CDK17: variants seen among roughly 807,000 people sequenced by gnomAD.
The protein encoded by CDK17 is cyclin-dependent kinase 17.
Under a neutral mutation model 77.6 loss-of-function variants are expected in CDK17, and 24 were observed. The observed-to-expected ratio is 0.31, with a 90% CI of 0.22 to 0.44. The LOEUF is 0.44. Ranked by LOEUF, CDK17 falls within the 20% of genes least tolerant of loss-of-function variation. The probability of loss-of-function intolerance (pLI) is 1.00; values close to 1 mark genes in which losing one functional copy is unlikely to be tolerated. For missense variants in CDK17, 429 were observed against 622.5 expected (o/e 0.69, Z 3.31); for synonymous variants, 203 against 210.4 (o/e 0.96, Z 0.30).
chr12:96,367,734 G>A (rs941397880), intron 1 of CDK17, among the ~76,000 whole-genome samples: 1 of 151,550 alleles, frequency 6.6e-6, no homozygotes, highest in Non-Finnish European at 1.5e-5. Flanking sequence ...TTATATTAAT[G>A]AGCTGGGCAC....
intron 3 of CDK17, among the ~76,000 whole-genome samples, chr12:96,317,894 T>C (rs202212418): frequency 0.14 from 18,755 of 135,186 alleles, 1,343 homozygotes; most frequent in South Asian, 0.22. Flanking sequence ...CATCAACTAA[T>C]GAGCAAAATC....
At chr12:96,280,422 C>T (rs989628584) in intron 16 of CDK17, 143 bp from the exon 17 acceptor site, 1 of 1,440,272 alleles carries the variant, frequency 6.9e-7, no homozygotes, top group Admixed American at 2.9e-5. Context: ...CTTAAATGAC[C>T]CTTCTGTTGA....
chr12:96,295,048 T>C lies in CDK17; in HGVS notation c.948A>G (p.Pro316=), dbSNP rs370277455. ...RRKVLHRDLK[P]QNLLINEKGE... The stretch of plus-strand genomic sequence containing the variant: ...CTTTCTCATTAATGAGGAGGTTCTG[T>C]GGTTTCAAGTCTCGATGCAATACCT... Residue 316 remains proline (P), a synonymous_variant, in exon 10 of 17, where the codon CCA becomes CCG. Transcript: ENST00000261211. The C allele has an allele frequency of 8.2e-4, 1,324 of 1,613,124 alleles. 2 individuals are homozygous for C. The highest frequency in any genetic ancestry group is 1.1e-3 in the Non-Finnish European group (1,260 of 1,179,378).
intron 5 of CDK17, among the ~76,000 whole-genome samples, chr12:96,301,474 A>C (rs929440216): frequency 1.3e-5 from 2 of 152,160 alleles, no homozygotes; most frequent in African/African-American, 4.8e-5. Flanking sequence ...ATAGATTGAA[A>C]ACTAGGGACT....
At chr12:96,297,555 A>G in intron 8 of CDK17, 72 bp downstream of exon 8, 1 of 1,077,396 alleles carries the variant, frequency 9.3e-7, no homozygotes, top group Non-Finnish European at 1.4e-6. Flanking sequence ...AAAATAAAAA[A>G]CAAACTAAAA....
chr12:96,291,809 G>A (rs1952328419), intron 10 of CDK17, among the ~76,000 whole-genome samples: 1 of 152,012 alleles, frequency 6.6e-6, no homozygotes, highest in African/African-American at 2.4e-5. Context: ...AGTAGAGACA[G>A]GGTTTCACCA....
At chr12:96,293,576 C>T (rs1029238399) in intron 10 of CDK17, among the ~76,000 whole-genome samples, 2 of 152,154 alleles carry the variant, frequency 1.3e-5, no homozygotes, top group Non-Finnish European at 2.9e-5. Flanking sequence ...TACATCAGAA[C>T]TAGAAAGTAA....
intron 1 of CDK17, chr12:96,335,258 A>G (rs886144888): frequency 6.5e-6 from 2 of 306,406 alleles, no homozygotes; most frequent in Non-Finnish European, 1.3e-5. Flanking sequence ...ATCTTCAGAT[A>G]TAACAGGGAG....
intron 1 of CDK17, among the ~76,000 whole-genome samples, chr12:96,338,060 C>T (rs1051563761): frequency 1.1e-4 from 16 of 152,194 alleles, no homozygotes; most frequent in Admixed American, 8.5e-4. Context: ...CTGGCCCACA[C>T]TATATCAGTT....
chr12:96,399,860 A>T (rs1242035964), intron 1 of CDK17, 126 bp downstream of exon 1: 1 of 259,960 alleles, frequency 3.8e-6, no homozygotes, highest in Non-Finnish European at 7.1e-6. Context: ...CAACTTCCCG[A>T]CCGGGCCTGA....
At chr12:96,321,937 T>C (rs1245684664) in intron 3 of CDK17, among the ~76,000 whole-genome samples, 1 of 150,594 alleles carries the variant, frequency 6.6e-6, no homozygotes, top group Non-Finnish European at 1.5e-5. Context: ...TGTGCACATG[T>C]ACCCTAAAAC....
At chr12:96,318,621 A>G (rs1952767068) in intron 3 of CDK17, among the ~76,000 whole-genome samples, 2 of 146,382 alleles carry the variant, frequency 1.4e-5, no homozygotes, top group Admixed American at 6.9e-5. Flanking sequence ...AGTGCAATCA[A>G]ACTAGAACTC....
intron 1 of CDK17, among the ~76,000 whole-genome samples, chr12:96,389,887 C>T (rs1428648145): frequency 1.4e-5 from 2 of 147,448 alleles, no homozygotes; most frequent in African/African-American, 2.5e-5. Context: ...TGGAGTGCAG[C>T]GGTGTGATCT....
At chr12:96,290,724 C>T (rs1444256182) in intron 10 of CDK17, among the ~76,000 whole-genome samples, 1 of 152,128 alleles carries the variant, frequency 6.6e-6, no homozygotes, top group Admixed American at 6.5e-5. Context: ...AGGCAAAGGA[C>T]AGGGCTGCAA....
At chr12:96,393,166 C>G (rs1231675334) in intron 1 of CDK17, among the ~76,000 whole-genome samples, 1 of 148,804 alleles carries the variant, frequency 6.7e-6, no homozygotes, top group African/African-American at 2.5e-5. Context: ...AGTTCAACAC[C>G]AGCCTGGCCA....
Position 96,295,090 on chromosome 12 carries a change from T to C in CDK17, c.906A>G (p.Ala302=). The C allele has an allele frequency of 6.2e-7, 1 of 1,610,458 alleles. No individual in the cohort carries two copies. The highest frequency in any genetic ancestry group is 8.5e-7 in the Non-Finnish European group (1 of 1,178,306). The change falls in exon 10 of 17, where the codon GCA becomes GCG. Residue 302 remains alanine, a synonymous_variant. Transcript: ENST00000261211. ...LFLYQILRGL[A]YCHRRKVLHR... ...GCAATACCTTTCTTCTATGGCAATA[T>C]GCCAAACCACGTAGAATTTGGTACA...
chr12:96,390,215 G>T (rs761133375), intron 1 of CDK17, among the ~76,000 whole-genome samples: 1 of 149,592 alleles, frequency 6.7e-6, no homozygotes, highest in African/African-American at 2.5e-5. Context: ...GCAGTGTGGC[G>T]ATGTCAGCTT....
chr12:96,378,441 G>A (rs956467021), intron 1 of CDK17, among the ~76,000 whole-genome samples: 1 of 152,170 alleles, frequency 6.6e-6, no homozygotes, highest in African/African-American at 2.4e-5. Context: ...AGATACTCCA[G>A]GTTGATCTTA....
chr12:96,335,526 T>C, intron 1 of CDK17, among the ~76,000 whole-genome samples: 1 of 152,220 alleles, frequency 6.6e-6, no homozygotes, highest in Non-Finnish European at 1.5e-5. Context: ...TTCCTAATTC[T>C]GAAAGGTAAA....
Sources: gnomAD v4.1 joint callset for allele counts (sites outside exome capture counted in the v4.1 genomes callset) on GRCh38, gnomAD v4.1.1 for gene constraint, MANE v1.5 for transcripts, NCBI Gene and HGNC (gene_info 2026-07-23, HGNC 2026-07-21) for gene names.